The following NFILZ variants were observed in gnomAD, a reference collection of about 807,000 sequenced individuals.
NFILZ encodes NFIL3 like basic leucine zipper.
chr19:8,678,553 A>G lies in NFILZ; in HGVS notation c.*918A>G, dbSNP rs148727262. 4.1e-4 allele frequency among the ~76,000 whole-genome samples: 61 copies of G among 150,590 alleles called. 1 individual carries two copies. Among genetic ancestry groups the G allele is most frequent in the Middle Eastern group, 3.5e-3 (1 of 284 alleles). ...TCATACATCAATTTATTCTCCATCC[A>G]TCCATCCATCCTCATCCATTCCCAT... On this transcript the variant is annotated 3_prime_UTR_variant, in exon 6 of 6. Transcript: ENST00000691075.
intron 3 of NFILZ, among the ~76,000 whole-genome samples, chr19:8,653,038 T>TTCTCTCTCCCTCTCTCTCTCTCTCTC (rs2042975354): frequency 1.1e-5 from 1 of 90,504 alleles, no homozygotes; most frequent in Non-Finnish European, 2.2e-5. Context: ...CTTTCTTTCT[T>TTCTCTCTCCCTCTCTCTCTCTCTCTC]TCTCTCTCTC....
Position 8,679,172 on chromosome 19 carries a change from G to A in NFILZ, c.*1537G>A, listed in dbSNP as rs1568426649. ...GAACCAGGTATACACCCACCCAGGT[G>A]GAAGGGTCCATTCTGCAGGGAAGGT... On this transcript the variant is annotated 3_prime_UTR_variant, in exon 6 of 6. Coordinates refer to ENST00000691075, the MANE Select transcript of NFILZ (RefSeq NM_001378600.1). Among the ~76,000 whole-genome samples the A allele has an allele frequency of 6.6e-6, 1 of 151,938 alleles. No individual in the cohort carries two copies. Among genetic ancestry groups the A allele is most frequent in the Admixed American group, 6.6e-5 (1 of 15,252 alleles).
At chr19:8,656,808 A>G (rs2146155782) in intron 3 of NFILZ, among the ~76,000 whole-genome samples, 1 of 152,274 alleles carries the variant, frequency 6.6e-6, no homozygotes, top group East Asian at 1.9e-4. Context: ...GAGGTCTCCA[A>G]AGATGATGCC....
At chr19:8,656,428 G>GCAGCCCACCTCCTCCCA (rs2043000339) in intron 3 of NFILZ, among the ~76,000 whole-genome samples, 1 of 18,376 alleles carries the variant, frequency 5.4e-5, no homozygotes, top group Admixed American at 6.6e-4. Flanking sequence ...ACCTCTTTCC[G>GCAGCCCACCTCCTCCCA]CAGCCCACCT....
At chr19:8,642,953 C>T (rs1296636095) in intron 3 of NFILZ, among the ~76,000 whole-genome samples, 7 of 139,358 alleles carry the variant, frequency 5.0e-5, no homozygotes, top group Non-Finnish European at 7.6e-5. Context: ...GATTTTGACT[C>T]TTTTTTTTTT....
intron 3 of NFILZ, among the ~76,000 whole-genome samples, chr19:8,665,409 A>G (rs2043057494): frequency 6.6e-6 from 1 of 152,260 alleles, no homozygotes; most frequent in Admixed American, 6.5e-5. Flanking sequence ...AAGGCCAGAA[A>G]AGGGATAGAG....
chr19:8,637,934 A>AAAAAAAAAAAAAAG (rs2042902381), intron 3 of NFILZ, among the ~76,000 whole-genome samples: 1 of 147,790 alleles, frequency 6.8e-6, no homozygotes. Context: ...AAAAAAAAAA[A>AAAAAAAAAAAAAAG]GAAAAGAACA....
In NFILZ at chr19:8,680,980, T is replaced by C. The variant is rs899557225; in HGVS notation, c.*3345T>C. Among the ~76,000 whole-genome samples the C allele has an allele frequency of 2.6e-5, 4 of 151,766 alleles. No individual in the cohort carries two copies. ...GGAGGAGGCGAGGGCAGGGAGGTGATGGAAGCAGGTTGTGGAGGACTTTGT... is the reference window on the plus strand; with the variant it reads ...GGAGGAGGCGAGGGCAGGGAGGTGACGGAAGCAGGTTGTGGAGGACTTTGT... On this transcript the variant is annotated 3_prime_UTR_variant, in exon 6 of 6. Coordinates refer to ENST00000691075, the MANE Select transcript of NFILZ (RefSeq NM_001378600.1).
chr19:8,659,371 G>A (rs1297470175), intron 3 of NFILZ, among the ~76,000 whole-genome samples: 1 of 152,138 alleles, frequency 6.6e-6, no homozygotes, highest in Non-Finnish European at 1.5e-5. Flanking sequence ...CTGGTAGGTC[G>A]GAGAGGGCTT....
At chr19:8,633,458 A>C (rs1029908023) in intron 2 of NFILZ, among the ~76,000 whole-genome samples, 2 of 152,222 alleles carry the variant, frequency 1.3e-5, no homozygotes, top group African/African-American at 4.8e-5. Context: ...TGTTATTGGC[A>C]GTGAGGTAGG....
At chr19:8,665,018 T>A (rs1161264523) in intron 3 of NFILZ, among the ~76,000 whole-genome samples, 5 of 152,162 alleles carry the variant, frequency 3.3e-5, no homozygotes, top group African/African-American at 1.2e-4. Context: ...CTTACCTAGC[T>A]TTCTGGACCA....
chr19:8,671,409 G>A (rs756903694), intron 3 of NFILZ, among the ~76,000 whole-genome samples: 23 of 151,948 alleles, frequency 1.5e-4, no homozygotes, highest in Non-Finnish European at 2.9e-4. Context: ...TGTAGGGGGC[G>A]GTGGTTAGGG....
chr19:8,662,687 T>A (rs1402360198), intron 3 of NFILZ, among the ~76,000 whole-genome samples: 3 of 150,764 alleles, frequency 2.0e-5, no homozygotes, highest in African/African-American at 7.3e-5. Flanking sequence ...GCCAGTCTGG[T>A]GTGCAGTGAC....
chr19:8,656,735 A>T (rs1555748558), intron 3 of NFILZ, among the ~76,000 whole-genome samples: 1 of 152,214 alleles, frequency 6.6e-6, no homozygotes. Flanking sequence ...AAAGCAGCTA[A>T]TCCTGGGCCC....
At chr19:8,650,383 G>C (rs782001552) in intron 3 of NFILZ, among the ~76,000 whole-genome samples, 2 of 151,940 alleles carry the variant, frequency 1.3e-5, no homozygotes, top group African/African-American at 2.4e-5. Flanking sequence ...GGCTGCGTGC[G>C]GTGGCTCACG....
intron 3 of NFILZ, among the ~76,000 whole-genome samples, chr19:8,671,656 C>A (rs879963237): frequency 2.6e-5 from 4 of 152,132 alleles, no homozygotes; most frequent in Non-Finnish European, 2.9e-5. Context: ...GTGTTCATCT[C>A]GGAGCTTGCC....
chr19:8,660,532 C>T (rs1404445401), intron 3 of NFILZ, among the ~76,000 whole-genome samples: 2 of 150,972 alleles, frequency 1.3e-5, no homozygotes, highest in African/African-American at 4.9e-5. Context: ...ATCACATTTC[C>T]TTCCTTCCTT....
At chr19:8,651,446 G>A (rs1199578427) in intron 3 of NFILZ, among the ~76,000 whole-genome samples, 1 of 151,230 alleles carries the variant, frequency 6.6e-6, no homozygotes, top group African/African-American at 2.4e-5. Flanking sequence ...ACCGGCGTGA[G>A]CCACTGCGCC....
chr19:8,652,850 C>T, intron 3 of NFILZ, among the ~76,000 whole-genome samples: 1 of 143,280 alleles, frequency 7.0e-6, no homozygotes, highest in Non-Finnish European at 1.5e-5. Flanking sequence ...TTCTTTCTTT[C>T]CTTTTCTTTC....
Sources: allele counts gnomAD v4.1 joint callset (sites outside exome capture counted in the v4.1 genomes callset), GRCh38; gene constraint gnomAD v4.1.1; transcripts MANE v1.5; gene names NCBI Gene and HGNC (gene_info 2026-07-23, HGNC 2026-07-21).